The following PTPRN2 variants were observed in gnomAD, a reference collection of about 807,000 sequenced individuals.
PTPRN2 encodes protein tyrosine phosphatase receptor type N2.
In PTPRN2, 74 loss-of-function variants were observed where a neutral mutation model predicts 118.8. The ratio of observed to expected loss-of-function variants is 0.62; its 90% confidence interval spans 0.52 to 0.76. The LOEUF (loss-of-function observed/expected upper bound fraction) is 0.76. Among genes scored for constraint, PTPRN2 ranks in the 30% least tolerant of loss-of-function variants. The probability of loss-of-function intolerance (pLI) is 0.00; values close to 1 mark genes in which losing one functional copy is unlikely to be tolerated. For synonymous variants in PTPRN2, 641 were observed against 608.0 expected, an observed-to-expected ratio of 1.05 and a Z score of -0.80; for missense variants, 1,481 against 1,394.4, an observed-to-expected ratio of 1.06 and a Z score of -0.99.
Position 157,804,954 on chromosome 7 carries a change from C to T in PTPRN2, c.1788+93719G>A, listed in dbSNP as rs1805535248. 2.6e-5 allele frequency among the ~76,000 whole-genome samples: 4 copies of T among 152,348 alleles called. No individual in the cohort carries two copies. In the South Asian group the frequency reaches 8.3e-4, roughly 32 times the overall value. Reference sequence around the variant, plus strand: ...TGATCCAGGTTACCCTCTCGCCATGCAGTGCCCTCACTGCCCTTGCTGCCC... The same window carrying T: ...TGATCCAGGTTACCCTCTCGCCATGTAGTGCCCTCACTGCCCTTGCTGCCC... On this transcript the variant is annotated intron_variant, in intron 12 of 22. Coordinates refer to ENST00000389418, the MANE Select transcript of PTPRN2 (RefSeq NM_002847.5).
chr7:158,114,181 C>T (rs1386469143), intron 9 of PTPRN2, among the ~76,000 whole-genome samples: 1 of 152,236 alleles, frequency 6.6e-6, no homozygotes, highest in East Asian at 1.9e-4. Context: ...CACAGGCCTT[C>T]CCTGCCCAGT....
intron 14 of PTPRN2, among the ~76,000 whole-genome samples, chr7:157,654,487 G>A (rs1036286404): frequency 6.6e-6 from 1 of 152,138 alleles, no homozygotes; most frequent in African/African-American, 2.4e-5. Context: ...TAAGTCAGCC[G>A]GACTCATACT....
chr7:157,791,554 CCCCCCCTCCCTGCACCCG>C (rs1387630697), intron 12 of PTPRN2, among the ~76,000 whole-genome samples: 4 of 144,566 alleles, frequency 2.8e-5, no homozygotes, highest in African/African-American at 1.0e-4. Context: ...CACCCACCTG[CCCCCCCTCCCTGCACCCG>C]CCCCCCCTCC....
intron 5 of PTPRN2, among the ~76,000 whole-genome samples, chr7:158,182,085 A>G (rs953200049): frequency 2.6e-5 from 4 of 152,204 alleles, no homozygotes; most frequent in Non-Finnish European, 5.9e-5. Context: ...CTTTTGCCAT[A>G]TCCCAGAGGT....
At chr7:158,077,686 C>T (rs916316361) in intron 11 of PTPRN2, among the ~76,000 whole-genome samples, 1 of 152,108 alleles carries the variant, frequency 6.6e-6, no homozygotes, top group African/African-American at 2.4e-5. Context: ...GGATTCCTGG[C>T]AATAAGCTCA....
intron 12 of PTPRN2, among the ~76,000 whole-genome samples, chr7:157,719,245 C>T (rs967951769): frequency 1.2e-4 from 18 of 152,242 alleles, no homozygotes; most frequent in Admixed American, 7.9e-4. Flanking sequence ...AGCTTCCAGG[C>T]CCCTCGTGCC....
At chr7:158,376,385 GA>G (rs1485325133) in intron 2 of PTPRN2, among the ~76,000 whole-genome samples, 1 of 139,522 alleles carries the variant, frequency 7.2e-6, no homozygotes. Flanking sequence ...CACGTCCTGC[GA>G]GGGGGGGTCA....
At chr7:158,409,125 G>A (rs1011946913) in intron 2 of PTPRN2, among the ~76,000 whole-genome samples, 2 of 152,196 alleles carry the variant, frequency 1.3e-5, no homozygotes, top group Non-Finnish European at 2.9e-5. Flanking sequence ...AGCCCCCGCA[G>A]GTAATGCTTG....
At chr7:158,203,167 G>A (rs958273149) in intron 4 of PTPRN2, among the ~76,000 whole-genome samples, 17 of 147,952 alleles carry the variant, frequency 1.1e-4, no homozygotes, top group African/African-American at 3.7e-4. Flanking sequence ...AAGAGGTGGA[G>A]GCTGTAGTGA....
At chr7:158,511,560 A>C (rs1823181730) in intron 1 of PTPRN2, among the ~76,000 whole-genome samples, 1 of 152,244 alleles carries the variant, frequency 6.6e-6, no homozygotes, top group South Asian at 2.1e-4. Flanking sequence ...CTGTCTCTGT[A>C]GACATGCTCT....
rs970355933 is a variant in PTPRN2 at position 157,632,656 on chromosome 7, G to C, written c.2197-11147C>G. ...CTAAGAAAGAAGCTGTTTAATAATG[G>C]GGATGATGACAGAGGCATCACTTTG... On this transcript the variant is annotated intron_variant, in intron 14 of 22. Coordinates refer to ENST00000389418, the MANE Select transcript of PTPRN2 (RefSeq NM_002847.5). This position sits in a 1 kb window ranked among gnomAD's most constrained non-coding sequence, Gnocchi z 4.3. 6.6e-6 allele frequency among the ~76,000 whole-genome samples: 1 copy of C among 152,094 alleles called. No homozygotes were observed. The highest frequency in any genetic ancestry group is 1.5e-5 in the Non-Finnish European group (1 of 68,034).
At chr7:157,979,411 G>A (rs1174131097) in intron 11 of PTPRN2, among the ~76,000 whole-genome samples, 3 of 152,264 alleles carry the variant, frequency 2.0e-5, no homozygotes, top group East Asian at 3.9e-4. Context: ...ACTTCACGTC[G>A]CTGTGGCTGC....
intron 13 of PTPRN2, among the ~76,000 whole-genome samples, chr7:157,657,383 C>T (rs1363905598): frequency 7.7e-6 from 1 of 130,458 alleles, no homozygotes; most frequent in South Asian, 2.7e-4. Context: ...CACACACAAA[C>T]GCCACACACA....
intron 12 of PTPRN2, among the ~76,000 whole-genome samples, chr7:157,698,431 G>A (rs767696850): frequency 6.6e-6 from 1 of 152,182 alleles, no homozygotes; most frequent in Non-Finnish European, 1.5e-5. Flanking sequence ...TCCCACCAAT[G>A]GCTTGACATG....
intron 3 of PTPRN2, among the ~76,000 whole-genome samples, chr7:158,314,756 G>A (rs977669328): frequency 1.3e-5 from 2 of 152,258 alleles, no homozygotes; most frequent in Non-Finnish European, 2.9e-5. Context: ...TTTGTTTGTG[G>A]GTGGTTCTGT....
At chr7:158,193,956 CGCA>C (rs1241117123) in intron 4 of PTPRN2, among the ~76,000 whole-genome samples, 1 of 150,776 alleles carries the variant, frequency 6.6e-6, no homozygotes, top group African/African-American at 2.4e-5. Flanking sequence ...CATGGGGGCT[CGCA>C]GCTATAATCC....
intron 12 of PTPRN2, among the ~76,000 whole-genome samples, chr7:157,743,437 C>T (rs973445161): frequency 1.8e-4 from 27 of 152,328 alleles, no homozygotes; most frequent in African/African-American, 6.5e-4. Flanking sequence ...TTCCCACCTG[C>T]CAGCGATACA....
chr7:157,640,112 C>T (rs1365664123), intron 14 of PTPRN2, among the ~76,000 whole-genome samples: 1 of 152,208 alleles, frequency 6.6e-6, no homozygotes, highest in Non-Finnish European at 1.5e-5. Flanking sequence ...CATCAAAGAG[C>T]AGGCTTAGAC....
At chr7:158,282,719 C>T (rs557927475) in intron 3 of PTPRN2, among the ~76,000 whole-genome samples, 12 of 151,894 alleles carry the variant, frequency 7.9e-5, no homozygotes, top group South Asian at 6.3e-4. Context: ...GATCCCTCCT[C>T]GTGCTCCCAC....
Sources: gnomAD v4.1 joint callset for allele counts (sites outside exome capture counted in the v4.1 genomes callset) on GRCh38, gnomAD v4.1.1 for gene constraint, Gnocchi (gnomAD v3.1) non-coding constraint, MANE v1.5 for transcripts, NCBI Gene and HGNC (gene_info 2026-07-23, HGNC 2026-07-21) for gene names.